Variants in LRFN5 observed in about 807,000 individuals in gnomAD.
The protein encoded by LRFN5 is leucine-rich repeat and fibronectin type-III domain-containing protein 5.
Under a neutral mutation model 45.6 loss-of-function variants are expected in LRFN5, and 24 were observed. That is an observed-to-expected ratio of 0.53 (90% CI 0.38 to 0.74). LRFN5 has a LOEUF of 0.74. Among genes scored for constraint, LRFN5 ranks in the 30% least tolerant of loss-of-function variants. The probability of loss-of-function intolerance (pLI) is 0.00; values close to 1 mark genes in which losing one functional copy is unlikely to be tolerated. For synonymous variants in LRFN5, 340 were observed against 313.8 expected (o/e 1.08, Z -0.88); for missense variants, 776 against 861.5 (o/e 0.90, Z 1.24).
Position 41,891,333 on chromosome 14 carries a change from A to G in LRFN5, c.1469A>G (p.Tyr490Cys). ...TATGACTTGTGTGTCTTGGCCATAT[A>G]TGATGATGGCATCACTTCCCTCACT... ...TMYDLCVLAIYDDGITSLTAT... is the reference protein window; with the variant it reads ...TMYDLCVLAICDDGITSLTAT... The change falls in exon 4 of 6, where the codon TAT becomes TGT. Residue 490 changes from tyrosine (Y) to cysteine (C), a missense_variant. Transcript: ENST00000298119. The G allele has an allele frequency of 1.9e-6, 3 of 1,614,108 alleles. No homozygotes were observed. Among genetic ancestry groups the G allele is most frequent in the South Asian group, 2.2e-5 (2 of 91,064 alleles).
chr14:41,745,561 A>G lies in LRFN5; in HGVS notation c.-196-21293A>G, dbSNP rs1029946971. ...AGCAGAGATCATTGAAATAAATAAT[A>G]GTAAAATAAGAGAGAACATTCAAAT... On this transcript the variant is annotated intron_variant, in intron 1 of 5. Coordinates refer to ENST00000298119, the MANE Select transcript of LRFN5 (RefSeq NM_152447.5). Among the ~76,000 whole-genome samples the G allele has an allele frequency of 3.3e-5, 5 of 152,124 alleles. No individual in the cohort carries two copies. In the East Asian group the frequency reaches 7.7e-4, roughly 23 times the overall value.
chr14:41,840,372 T>G (rs923587855), intron 2 of LRFN5, among the ~76,000 whole-genome samples: 1 of 152,034 alleles, frequency 6.6e-6, no homozygotes. Flanking sequence ...ATTAGTGAAA[T>G]GTATTTTGTG....
intron 2 of LRFN5, among the ~76,000 whole-genome samples, chr14:41,781,584 GAA>G (rs1402289791): frequency 2.9e-4 from 34 of 117,398 alleles, no homozygotes; most frequent in South Asian, 5.1e-4. Context: ...AAGAAAGAAA[GAA>G]AGAAAGAAAG....
intron 1 of LRFN5, among the ~76,000 whole-genome samples, chr14:41,752,199 A>G (rs1012571359): frequency 2.0e-5 from 3 of 152,220 alleles, no homozygotes; most frequent in Admixed American, 6.5e-5. Context: ...AGTCTTTGCT[A>G]TTTTGAGTAG....
At chr14:41,850,970 T>C (rs1889245709) in intron 2 of LRFN5, among the ~76,000 whole-genome samples, 1 of 151,776 alleles carries the variant, frequency 6.6e-6, no homozygotes, top group African/African-American at 2.4e-5. Context: ...GTAAGAAAAA[T>C]GTCCACCATT....
chr14:41,706,086 A>G (rs1883052520), intron 1 of LRFN5, among the ~76,000 whole-genome samples: 1 of 151,958 alleles, frequency 6.6e-6, no homozygotes, highest in Admixed American at 6.6e-5. Flanking sequence ...TGCTACAACA[A>G]AGTTCCGGAA....
At chr14:41,755,905 G>A (rs974676225) in intron 1 of LRFN5, among the ~76,000 whole-genome samples, 7 of 152,142 alleles carry the variant, frequency 4.6e-5, no homozygotes, top group Admixed American at 3.3e-4. Flanking sequence ...GGCTGGTACC[G>A]GATGTTCCTT....
At chr14:41,648,742 C>T (rs757815111) in intron 1 of LRFN5, among the ~76,000 whole-genome samples, 10 of 151,958 alleles carry the variant, frequency 6.6e-5, no homozygotes, top group South Asian at 2.1e-4. Context: ...CCCTCCACTC[C>T]GCCCTCCCCT....
chr14:41,661,318 G>T (rs1462161034), intron 1 of LRFN5, among the ~76,000 whole-genome samples: 1 of 151,770 alleles, frequency 6.6e-6, no homozygotes, highest in African/African-American at 2.4e-5. Flanking sequence ...TTCAAATTTT[G>T]CTCTTCATAA....
At chr14:41,675,014 G>T (rs1285466475) in intron 1 of LRFN5, among the ~76,000 whole-genome samples, 1 of 152,030 alleles carries the variant, frequency 6.6e-6, no homozygotes, top group Non-Finnish European at 1.5e-5. Context: ...GGGCGGCCGG[G>T]CAGAGACGCT....
At chr14:41,777,764 T>C (rs912266109) in intron 2 of LRFN5, among the ~76,000 whole-genome samples, 1 of 151,780 alleles carries the variant, frequency 6.6e-6, no homozygotes, top group Non-Finnish European at 1.5e-5. Flanking sequence ...GTGAGTACCA[T>C]TTTTGGATAT....
intron 1 of LRFN5, among the ~76,000 whole-genome samples, chr14:41,730,522 G>T (rs1010618709): frequency 6.6e-6 from 1 of 151,884 alleles, no homozygotes; most frequent in African/African-American, 2.4e-5. Flanking sequence ...AGTCCAGAAA[G>T]GATTTCCACA....
intron 1 of LRFN5, among the ~76,000 whole-genome samples, chr14:41,765,904 TAA>T (rs1338071018): frequency 1.3e-5 from 2 of 152,168 alleles, no homozygotes; most frequent in Non-Finnish European, 2.9e-5. Context: ...TTGAGTATCT[TAA>T]GACAATATAA....
chr14:41,865,473 G>A (rs769253983), intron 2 of LRFN5, among the ~76,000 whole-genome samples: 26 of 152,176 alleles, frequency 1.7e-4, no homozygotes, highest in Non-Finnish European at 2.6e-4. Flanking sequence ...TTCATCAGCC[G>A]ATAGACATTT....
chr14:41,660,023 T>C (rs1047906487), intron 1 of LRFN5, among the ~76,000 whole-genome samples: 3 of 151,966 alleles, frequency 2.0e-5, no homozygotes, highest in African/African-American at 7.2e-5. Flanking sequence ...AATAGTTTTA[T>C]TTTATTTATT....
intron 2 of LRFN5, among the ~76,000 whole-genome samples, chr14:41,878,858 A>G (rs991190688): frequency 2.0e-5 from 3 of 152,090 alleles, no homozygotes; most frequent in Non-Finnish European, 4.4e-5. Flanking sequence ...ATTTTTTAAA[A>G]GTGGTTATGT....
At chr14:41,656,532 G>A (rs1880389615) in intron 1 of LRFN5, among the ~76,000 whole-genome samples, 1 of 151,836 alleles carries the variant, frequency 6.6e-6, no homozygotes, top group Non-Finnish European at 1.5e-5. Flanking sequence ...CTTCCAGTCA[G>A]GATGAATATT....
In LRFN5 at chr14:41,619,438, T is replaced by C. The variant is rs1343852390; in HGVS notation, c.-197+10876T>C. On this transcript the variant is annotated intron_variant, in intron 1 of 5. Coordinates refer to ENST00000298119, the MANE Select transcript of LRFN5 (RefSeq NM_152447.5). ...AATGAGTGTATTTGACTTCAGTGTTTGTATTTTTAGTAAAAGAGATGTATT... is the reference window on the plus strand; with the variant it reads ...AATGAGTGTATTTGACTTCAGTGTTCGTATTTTTAGTAAAAGAGATGTATT... Among the ~76,000 whole-genome samples, 21 of 152,086 alleles carry C rather than the reference T, an allele frequency of 1.4e-4. 1 individual carries two copies.
chr14:41,891,709 A>T lies in LRFN5; in HGVS notation c.1845A>T (p.Glu615Asp). 1 of 1,614,178 alleles carries T rather than the reference A, an allele frequency of 6.2e-7. No homozygotes were observed. The highest frequency in any genetic ancestry group is 8.5e-7 in the Non-Finnish European group (1 of 1,180,028). The change falls in exon 4 of 6, where the codon GAA becomes GAT. Residue 615 changes from glutamate to aspartate, a missense_variant. Around this residue, in one of 2 missense-constraint regions of LRFN5, gnomAD observed 465 missense variants for 456.4 expected, o/e 1.02. Transcript: ENST00000298119. ...ATSDNVIQSSETCSSQDSSTT... is the reference protein window; with the variant it reads ...ATSDNVIQSSDTCSSQDSSTT... ...GTGACAATGTGATTCAATCTTCAGAAACTTGTTCGAGTCAGGACTCCTCTA... is the reference window on the plus strand; with the variant it reads ...GTGACAATGTGATTCAATCTTCAGATACTTGTTCGAGTCAGGACTCCTCTA...
Sources: allele counts gnomAD v4.1 joint callset (sites outside exome capture counted in the v4.1 genomes callset), GRCh38; gene constraint gnomAD v4.1.1; regional missense constraint gnomAD v4.1.1; transcripts MANE v1.5; gene names NCBI Gene and HGNC (gene_info 2026-07-23, HGNC 2026-07-21).